The following VEPH1 variants were observed in gnomAD, a reference collection of about 807,000 sequenced individuals.
The protein encoded by VEPH1 is ventricular zone expressed PH domain containing 1.
Under a neutral mutation model 85.2 loss-of-function variants are expected in VEPH1, and 80 were observed. The observed-to-expected ratio is 0.94, with a 90% CI of 0.78 to 1.13. The LOEUF (loss-of-function observed/expected upper bound fraction) is 1.13. VEPH1 is among the 50% of genes most tolerant of loss of function. The pLI, the probability that VEPH1 is intolerant of heterozygous loss-of-function variation, is 0.00. For missense variants in VEPH1, 955 were observed against 980.5 expected (o/e 0.97, Z 0.35); for synonymous variants, 297 against 348.0 (o/e 0.85, Z 1.63).
At chr3:157,345,162 C>A (rs1724069049) in intron 9 of VEPH1, among the ~76,000 whole-genome samples, 1 of 152,086 alleles carries the variant, frequency 6.6e-6, no homozygotes, top group Admixed American at 6.5e-5. Context: ...GCAACAAAAG[C>A]CAAAATTGAC....
intron 4 of VEPH1, among the ~76,000 whole-genome samples, chr3:157,431,173 T>G (rs1489377800): frequency 6.6e-6 from 1 of 152,190 alleles, no homozygotes; most frequent in East Asian, 1.9e-4. Context: ...CGCTGTACTC[T>G]CCCTCACTCC....
At chr3:157,449,551 T>C (rs6788044) in intron 4 of VEPH1, among the ~76,000 whole-genome samples, 7,136 of 152,250 alleles carry the variant, frequency 0.047, 576 homozygotes, top group African/African-American at 0.16. Context: ...AGTGCTACAC[T>C]GTCTTGATTA....
At chr3:157,292,261 T>A (rs1394248547) in intron 11 of VEPH1, among the ~76,000 whole-genome samples, 1 of 152,196 alleles carries the variant, frequency 6.6e-6, no homozygotes, top group Non-Finnish European at 1.5e-5. Flanking sequence ...CCCGAGTTGC[T>A]CTGGTGTGCC....
intron 2 of VEPH1, among the ~76,000 whole-genome samples, chr3:157,477,038 T>C (rs1328047262): frequency 2.0e-5 from 3 of 152,190 alleles, no homozygotes; most frequent in Admixed American, 1.3e-4. Context: ...ATTTGTCTTC[T>C]TGTTATAGTT....
chr3:157,343,976 A>G (rs968775505), intron 9 of VEPH1, among the ~76,000 whole-genome samples: 30 of 152,354 alleles, frequency 2.0e-4, no homozygotes, highest in African/African-American at 6.7e-4. Context: ...AAAATTCAAC[A>G]GCCCTTCATG....
At chr3:157,477,032 GTCT>G (rs1386141541) in intron 2 of VEPH1, among the ~76,000 whole-genome samples, 5 of 152,162 alleles carry the variant, frequency 3.3e-5, no homozygotes, top group Admixed American at 3.3e-4. Context: ...TACTGCATTT[GTCT>G]TCTTGTTATA....
intron 11 of VEPH1, among the ~76,000 whole-genome samples, chr3:157,289,831 C>G (rs1290715929): frequency 6.6e-6 from 1 of 152,150 alleles, no homozygotes. Flanking sequence ...TTATATCTAA[C>G]TGTAAGTCAC....
chr3:157,377,018 G>A (rs1410444864), intron 7 of VEPH1, among the ~76,000 whole-genome samples: 1 of 152,184 alleles, frequency 6.6e-6, no homozygotes, highest in African/African-American at 2.4e-5. Flanking sequence ...TCACAATGAA[G>A]GGTATTCAAG....
intron 4 of VEPH1, among the ~76,000 whole-genome samples, chr3:157,444,308 G>T (rs1734376417): frequency 6.6e-6 from 1 of 152,166 alleles, no homozygotes; most frequent in African/African-American, 2.4e-5. Flanking sequence ...TAACTAGCTA[G>T]GTGTCAGACA....
In VEPH1 at chr3:157,493,129, G is replaced by C. The variant is rs1739366370; in HGVS notation, c.138+2083C>G. ...GATGCCATCAAGGTTTTATGCAATG[G>C]AAAGGGACAATTTACCAAAGGAAAA... On this transcript the variant is annotated intron_variant, in intron 2 of 13. Coordinates refer to ENST00000362010, the MANE Select transcript of VEPH1 (RefSeq NM_001167912.2). 18 of 412,856 alleles carry C rather than the reference G, an allele frequency of 4.4e-5. 1 individual carries two copies. The highest frequency in any genetic ancestry group is 2.7e-4 in the South Asian group (15 of 56,074). The allele number at this position is 412,856 out of a possible 1,614,324, so 25.6% of individuals were successfully genotyped here. A position where few individuals can be genotyped will look rare whatever the true frequency, so the allele number is the denominator to read the frequency against.
At chr3:157,464,010 A>G (rs1736134344) in intron 3 of VEPH1, among the ~76,000 whole-genome samples, 1 of 152,212 alleles carries the variant, frequency 6.6e-6, no homozygotes, top group South Asian at 2.1e-4. Flanking sequence ...CTGGACAAAC[A>G]TGCCAAAATA....
intron 5 of VEPH1, among the ~76,000 whole-genome samples, chr3:157,426,806 C>CTTTTTTT (rs532205431): frequency 8.6e-6 from 1 of 116,246 alleles, no homozygotes; most frequent in Non-Finnish European, 1.7e-5. Context: ...AAATCTGTTG[C>CTTTTTTT]TTTTTTTTTT....
intron 7 of VEPH1, among the ~76,000 whole-genome samples, chr3:157,374,580 G>A (rs1727885064): frequency 1.3e-5 from 2 of 152,198 alleles, no homozygotes; most frequent in South Asian, 4.1e-4. Context: ...GTCTGTGGAA[G>A]AGTAGAGGGA....
At chr3:157,474,710 A>T (rs1737291195) in intron 2 of VEPH1, among the ~76,000 whole-genome samples, 1 of 152,178 alleles carries the variant, frequency 6.6e-6, no homozygotes, top group African/African-American at 2.4e-5. Context: ...TTAGCAAATG[A>T]GTGGGCAAAC....
chr3:157,308,008 C>T (rs1029781278), intron 11 of VEPH1, among the ~76,000 whole-genome samples: 8 of 151,590 alleles, frequency 5.3e-5, no homozygotes, highest in South Asian at 2.1e-4. Flanking sequence ...TTATTACTCA[C>T]GTATAGATTT....
At chr3:157,293,215 T>G (rs1432884055) in intron 11 of VEPH1, among the ~76,000 whole-genome samples, 2 of 152,082 alleles carry the variant, frequency 1.3e-5, no homozygotes, top group East Asian at 3.9e-4. Flanking sequence ...GGGAGCAGAC[T>G]CTAAGCAGAG....
intron 5 of VEPH1, among the ~76,000 whole-genome samples, chr3:157,419,847 A>G (rs1375473488): frequency 6.6e-6 from 1 of 152,206 alleles, no homozygotes; most frequent in Non-Finnish European, 1.5e-5. Flanking sequence ...AATATAAATC[A>G]TTCTATTATA....
At chr3:157,404,478 AACAG>A (rs1577577044) in intron 6 of VEPH1, among the ~76,000 whole-genome samples, 1 of 152,306 alleles carries the variant, frequency 6.6e-6, no homozygotes, top group East Asian at 1.9e-4. Flanking sequence ...GGTTTCCAGA[AACAG>A]ACAGACCCTG....
intron 6 of VEPH1, 141 bp from the exon 7 acceptor site, chr3:157,381,517 C>T: frequency 1.3e-6 from 1 of 774,580 alleles, no homozygotes; most frequent in South Asian, 1.8e-5. Context: ...CAGGAGTTTG[C>T]AACCAGCCTG....
Sources: gnomAD v4.1 joint callset for allele counts (sites outside exome capture counted in the v4.1 genomes callset) on GRCh38, gnomAD v4.1.1 for gene constraint, MANE v1.5 for transcripts, NCBI Gene and HGNC (gene_info 2026-07-23, HGNC 2026-07-21) for gene names.